ACP6: variants seen among roughly 807,000 people sequenced by gnomAD.
ACP6 encodes the protein lysophosphatidic acid phosphatase type 6.
A neutral mutation model predicts 48.1 loss-of-function variants in ACP6; 48 were observed. The ratio of observed to expected loss-of-function variants is 1.00; its 90% CI spans 0.79 to 1.27. The LOEUF (loss-of-function observed/expected upper bound fraction) is 1.27, where lower values mean the gene tolerates loss of function less well. Ranked by LOEUF, ACP6 falls within the 50% of genes most tolerant of loss-of-function variation. ACP6 has a pLI of 0.00. For missense variants in ACP6, 485 were observed against 529.1 expected, an observed-to-expected ratio of 0.92 and a Z score of 0.82; for synonymous variants, 172 against 204.2, an observed-to-expected ratio of 0.84 and a Z score of 1.34.
chr1:147,665,504 A>T (rs782055689), intron 1 of ACP6, among the ~76,000 whole-genome samples: 7 of 152,250 alleles, frequency 4.6e-5, no homozygotes, highest in Non-Finnish European at 1.0e-4. Context: ...ACAGAAAAAC[A>T]GGTGGAAAGC....
chr1:147,647,315 T>A lies in ACP6; in HGVS notation c.*108A>T, dbSNP rs1422032113. ...GAAAGGAAATATCCTTACATTATAT[T>A]AAAGTACATTACCCCTTGCTCTCTC... is the stretch of plus-strand genomic sequence containing the variant. On this transcript the variant is annotated 3_prime_UTR_variant, in exon 10 of 10. Coordinates refer to ENST00000583509, the MANE Select transcript of ACP6 (RefSeq NM_016361.5). 7.8e-7 allele frequency: 1 copy of A among 1,277,540 alleles called. No homozygotes were observed. Among genetic ancestry groups the A allele is most frequent in the East Asian group, 2.3e-5 (1 of 43,146 alleles). The allele number at this position is 1,277,540 out of a possible 1,614,324, so 79.1% of individuals were successfully genotyped here. A position where few individuals can be genotyped will look rare whatever the true frequency, so the allele number is the denominator to read the frequency against.
rs782212662 is a variant in ACP6, at chr1:147,659,789, A to C, written c.220-14T>G. Reference sequence around the variant, plus strand: ...GTTCCACTCTACCTGTTAGTACAAAAAAAACACACCACATTGTTTAAAAAT... The same window carrying C: ...GTTCCACTCTACCTGTTAGTACAAACAAAACACACCACATTGTTTAAAAAT... On this transcript the variant is annotated splice_polypyrimidine_tract_variant and intron_variant, in intron 1 of 9. Coordinates refer to ENST00000583509, the MANE Select transcript of ACP6 (RefSeq NM_016361.5). 1.9e-5 allele frequency: 30 copies of C among 1,612,478 alleles called. No individual in the cohort carries two copies. In the South Asian group the frequency reaches 3.2e-4, roughly 17 times the overall value.
intron 7 of ACP6, chr1:147,652,177 C>T (rs1553210660): frequency 2.6e-6 from 1 of 391,200 alleles, no homozygotes; most frequent in African/African-American, 2.0e-5. Flanking sequence ...ATCCTTTAAA[C>T]CTTAAAGCAA....
intron 1 of ACP6, among the ~76,000 whole-genome samples, chr1:147,664,726 T>C (rs976096127): frequency 1.3e-5 from 2 of 152,232 alleles, no homozygotes; most frequent in Non-Finnish European, 2.9e-5. Context: ...CTTTCCTGGG[T>C]GTTCAAGTTA....
chr1:147,651,427 G>C (rs1659911123), intron 7 of ACP6: 1 of 152,178 alleles, frequency 6.6e-6, no homozygotes, highest in African/African-American at 2.4e-5. Context: ...GTTGCTTCAT[G>C]TTACAAGGGC....
chr1:147,659,849 A>C, intron 1 of ACP6, 74 bp from the exon 2 acceptor site: 1 of 1,541,756 alleles, frequency 6.5e-7, no homozygotes, highest in South Asian at 1.2e-5. Context: ...CATCTCAAGC[A>C]CTCAGAACAC....
At position 147,643,710 on chromosome 1, in the gene ACP6, G is replaced by C. The variant is rs1215905598; in HGVS notation, c.*3713C>G. 6.6e-6 allele frequency: 1 copy of C among 152,202 alleles called. No individual in the cohort carries two copies. The highest frequency in any genetic ancestry group is 6.5e-5 in the Admixed American group (1 of 15,280). The allele number at this position is 152,202 out of a possible 1,614,324, so 9.4% of individuals were successfully genotyped here. A position where few individuals can be genotyped will look rare whatever the true frequency, so the allele number is the denominator to read the frequency against. ...AGTTTCAGTTAAACAGTAGAAATAA[G>C]TTTTTGTGATCTAGTGCACAGCATG... On this transcript the variant is annotated 3_prime_UTR_variant, in exon 10 of 10. Coordinates refer to ENST00000583509, the MANE Select transcript of ACP6 (RefSeq NM_016361.5).
Position 147,642,381 on chromosome 1 carries a change from G to A in ACP6, c.*5042C>T, listed in dbSNP as rs1570942482. The A allele has an allele frequency of 1.3e-5, 2 of 152,254 alleles. No homozygotes were observed. Among genetic ancestry groups the A allele is most frequent in the African/African-American group, 4.8e-5 (2 of 41,442 alleles). 9.4% of individuals were successfully genotyped at this position (152,254 alleles called of 1,614,324 possible). A position where few individuals can be genotyped will look rare whatever the true frequency, so the allele number is the denominator to read the frequency against. ...CAAACAGAAACACGGGAGGCCTAGA[G>A]ATAATTGGATTACACAGGAAAAGGG... is the stretch of plus-strand genomic sequence containing the variant. On this transcript the variant is annotated 3_prime_UTR_variant, in exon 10 of 10. Coordinates refer to ENST00000583509, the MANE Select transcript of ACP6 (RefSeq NM_016361.5).
At position 147,646,462 on chromosome 1, in the gene ACP6, G is replaced by T. The variant is rs587629519; in HGVS notation, c.*961C>A. 2 of 152,362 alleles carry T rather than the reference G, an allele frequency of 1.3e-5. No individual in the cohort carries two copies. Among genetic ancestry groups the T allele is most frequent in the South Asian group, 2.1e-4 (1 of 4,824 alleles). The allele number at this position is 152,362 out of a possible 1,614,324, so 9.4% of individuals were successfully genotyped here. A position where few individuals can be genotyped will look rare whatever the true frequency, so the allele number is the denominator to read the frequency against. On this transcript the variant is annotated 3_prime_UTR_variant, in exon 10 of 10. Coordinates refer to ENST00000583509, the MANE Select transcript of ACP6 (RefSeq NM_016361.5). ...GTTGTCAATATTAAGATAGTAGGAA[G>T]TGGAGAGGCTTTTGTGGTTGCTGTT...
chr1:147,664,277 C>T (rs1660691544), intron 1 of ACP6, among the ~76,000 whole-genome samples: 1 of 152,258 alleles, frequency 6.6e-6, no homozygotes, highest in African/African-American at 2.4e-5. Flanking sequence ...GCTCATGTGG[C>T]CCCACCTCCT....
chr1:147,648,849 C>G (rs972316872), intron 8 of ACP6, among the ~76,000 whole-genome samples: 5 of 152,180 alleles, frequency 3.3e-5, no homozygotes, highest in Non-Finnish European at 5.9e-5. Context: ...ATAATATTCA[C>G]AAGCCCATTT....
In ACP6 at chr1:147,669,930, T is replaced by C. The variant is rs371153091; in HGVS notation, c.119A>G (p.Gln40Arg). 3.1e-5 allele frequency: 49 copies of C among 1,564,658 alleles called. No homozygotes were observed. Among genetic ancestry groups the C allele is most frequent in the Non-Finnish European group, 4.0e-5 (46 of 1,154,438 alleles). Residue 40 changes from glutamine to arginine, a missense_variant, in exon 1 of 10, where the codon CAG (glutamine) becomes CGG (arginine). Gln to Arg is a conservative substitution (Grantham distance 43, BLOSUM62 1). Transcript: ENST00000583509. ...CAGCAGGCTGCGGTCGACCGGACAC[T>C]GGCCATCGGCCTCCTGCAGCTCGGC... ...ALAELQEADG[Q>R]CPVDRSLLKL...
chr1:147,658,901 C>T lies in ACP6; in HGVS notation c.559+59G>A, dbSNP rs587676178. ...GGCACCAAGAAAGAGATAGGGGCTT[C>T]GGAAGTGAGAAGCAAGACCCCTCAG... is the stretch of plus-strand genomic sequence containing the variant. On this transcript the variant is annotated intron_variant, in intron 4 of 9. Coordinates refer to ENST00000583509, the MANE Select transcript of ACP6 (RefSeq NM_016361.5). The T allele has an allele frequency of 1.1e-5, 16 of 1,479,406 alleles. No homozygotes were observed. The Admixed American group carries it at 2.1e-4, about 20-fold the overall frequency. 91.6% of individuals were successfully genotyped at this position (1,479,406 alleles called of 1,614,324 possible).
At chr1:147,654,031 C>T (rs966387099) in intron 6 of ACP6, among the ~76,000 whole-genome samples, 163 bp downstream of exon 6, 2 of 152,218 alleles carry the variant, frequency 1.3e-5, no homozygotes, top group East Asian at 1.9e-4. Context: ...GAGTCTTCCT[C>T]GATTGCTCCC....
chr1:147,649,916 AAG>A (rs782392089), intron 8 of ACP6: 11 of 523,468 alleles, frequency 2.1e-5, no homozygotes, highest in African/African-American at 6.0e-5. Flanking sequence ...TAATAAAAAA[AAG>A]AGAGAGAGAA....
In ACP6 at chr1:147,656,740, G is replaced by A. The variant is rs1237477677; in HGVS notation, c.560-1492C>T. 3.3e-5 allele frequency among the ~76,000 whole-genome samples: 5 copies of A among 152,094 alleles called. No individual in the cohort carries two copies. In the East Asian group the frequency reaches 7.7e-4, roughly 23 times the overall value. ...AAGAATTAAACAAGTTAATATATGC[G>A]AAGTTCTTAGAACAAAGTTTGCTGC... On this transcript the variant is annotated intron_variant, in intron 4 of 9. Transcript: ENST00000583509.
In ACP6 at chr1:147,642,406, G is replaced by A. The variant is rs1356410570; in HGVS notation, c.*5017C>T. The A allele has an allele frequency of 1.3e-5, 2 of 152,246 alleles. No individual in the cohort carries two copies. Among genetic ancestry groups the A allele is most frequent in the African/African-American group, 4.8e-5 (2 of 41,440 alleles). The allele number at this position is 152,246 out of a possible 1,614,324, so 9.4% of individuals were successfully genotyped here. A position where few individuals can be genotyped will look rare whatever the true frequency, so the allele number is the denominator to read the frequency against. ...GATAATTGGATTACACAGGAAAAGG[G>A]AGTGTGGGTCAGGGGTCAGGTGATG... On this transcript the variant is annotated 3_prime_UTR_variant, in exon 10 of 10. Coordinates refer to ENST00000583509, the MANE Select transcript of ACP6 (RefSeq NM_016361.5).
downstream of ACP6, among the ~76,000 whole-genome samples, chr1:147,639,164 C>T (rs1311391538): frequency 1.3e-5 from 2 of 152,202 alleles, no homozygotes; most frequent in South Asian, 2.1e-4. Flanking sequence ...GATGTACAAT[C>T]GCAGTTCAGA....
chr1:147,638,387 A>G (rs1207383686), downstream of ACP6, among the ~76,000 whole-genome samples: 2 of 152,198 alleles, frequency 1.3e-5, no homozygotes, highest in Non-Finnish European at 2.9e-5. Flanking sequence ...TGGAGCATCA[A>G]CCTGGGTAGT....
Sources: allele counts gnomAD v4.1 joint callset (sites outside exome capture counted in the v4.1 genomes callset), GRCh38; gene constraint gnomAD v4.1.1; transcripts MANE v1.5; gene names NCBI Gene and HGNC (gene_info 2026-07-23, HGNC 2026-07-21).